Variants in SMOC2 observed in about 807,000 individuals in gnomAD.
SMOC2 encodes SPARC related modular calcium binding 2.
In SMOC2, 39 loss-of-function variants were observed where a neutral mutation model predicts 61.4. That is an observed-to-expected ratio of 0.64 (90% CI 0.49 to 0.83). SMOC2 has a LOEUF of 0.83. Among genes scored for constraint, SMOC2 ranks in the 40% least tolerant of loss-of-function variants. SMOC2 has a pLI of 0.00. For synonymous variants in SMOC2, 247 were observed against 239.9 expected (o/e 1.03, Z -0.27); for missense variants, 556 against 592.9 (o/e 0.94, Z 0.65).
chr6:168,551,744 A>T (rs1445357849), intron 7 of SMOC2, among the ~76,000 whole-genome samples: 1 of 152,190 alleles, frequency 6.6e-6, no homozygotes, highest in African/African-American at 2.4e-5. Context: ...GTGAGCCACC[A>T]TGCCAGGCTA....
At chr6:168,566,115 C>T (rs766826792) in intron 7 of SMOC2, among the ~76,000 whole-genome samples, 2 of 152,114 alleles carry the variant, frequency 1.3e-5, no homozygotes, top group African/African-American at 2.4e-5. Flanking sequence ...ACGTCTTTTA[C>T]GAAGCTATGG....
At chr6:168,514,037 C>T (rs1354716549) in intron 2 of SMOC2, among the ~76,000 whole-genome samples, 1 of 152,202 alleles carries the variant, frequency 6.6e-6, no homozygotes, top group Admixed American at 6.5e-5. Flanking sequence ...GCGGGGTGCA[C>T]AGGGGGCCCT....
intron 9 of SMOC2, among the ~76,000 whole-genome samples, chr6:168,640,864 C>T (rs189943115): frequency 6.6e-6 from 1 of 152,294 alleles, no homozygotes; most frequent in East Asian, 1.9e-4. Flanking sequence ...GACAAAAACG[C>T]TAGCCTGAGC....
intron 4 of SMOC2, among the ~76,000 whole-genome samples, chr6:168,533,600 T>G (rs564386136): frequency 9.9e-5 from 15 of 152,170 alleles, no homozygotes; most frequent in Non-Finnish European, 1.8e-4. Flanking sequence ...CTGAAGCACT[T>G]CCTGGTAGAA....
At chr6:168,604,515 C>T (rs1785637108) in intron 8 of SMOC2, among the ~76,000 whole-genome samples, 1 of 152,112 alleles carries the variant, frequency 6.6e-6, no homozygotes, top group Non-Finnish European at 1.5e-5. Flanking sequence ...TATTTAAATG[C>T]CCTCTGTTCC....
In SMOC2 at chr6:168,598,917, A is replaced by T; in HGVS notation, c.737A>T (p.Tyr246Phe). 2 of 1,613,490 alleles carry T rather than the reference A, an allele frequency of 1.2e-6. No homozygotes were observed. Among genetic ancestry groups the T allele is most frequent in the South Asian group, 2.2e-5 (2 of 91,086 alleles). ...CCTGAGTGTGCGCACGGCGGCCTCTACAAGCCAGTGCAGTGCCACCCCTCC... is the reference window on the plus strand; with the variant it reads ...CCTGAGTGTGCGCACGGCGGCCTCTTCAAGCCAGTGCAGTGCCACCCCTCC... ...VIPECAHGGL[Y>F]KPVQCHPSTG... is the part of the protein sequence containing the mutation. The change falls in exon 8 of 13, where the codon TAC (tyrosine) becomes TTC (phenylalanine). Residue 246 changes from tyrosine (Y) to phenylalanine (F), a missense_variant. Tyr to Phe is a conservative substitution (Grantham distance 22, BLOSUM62 3). Coordinates refer to ENST00000356284, the MANE Select transcript of SMOC2 (RefSeq NM_001166412.2).
chr6:168,618,928 TG>T (rs1404609193), intron 9 of SMOC2, among the ~76,000 whole-genome samples: 4 of 152,204 alleles, frequency 2.6e-5, no homozygotes, highest in Non-Finnish European at 4.4e-5. Context: ...TCTGAAATTA[TG>T]GGCTGCATTT....
At chr6:168,634,617 G>T (rs1177841403) in intron 9 of SMOC2, among the ~76,000 whole-genome samples, 1 of 152,250 alleles carries the variant, frequency 6.6e-6, no homozygotes, top group African/African-American at 2.4e-5. Flanking sequence ...TAAAACTTTT[G>T]CATAGTGCAG....
intron 1 of SMOC2, among the ~76,000 whole-genome samples, chr6:168,447,410 C>T (rs866350042): frequency 1.3e-5 from 2 of 152,110 alleles, no homozygotes; most frequent in African/African-American, 2.4e-5. Context: ...AGATACTGAC[C>T]GTGGATGCTG....
At chr6:168,482,631 T>A (rs1418379989) in intron 1 of SMOC2, among the ~76,000 whole-genome samples, 1 of 152,066 alleles carries the variant, frequency 6.6e-6, no homozygotes, top group Non-Finnish European at 1.5e-5. Flanking sequence ...ATATCCCTTA[T>A]GAACATCGAT....
intron 6 of SMOC2, among the ~76,000 whole-genome samples, chr6:168,548,319 C>T (rs918515186): frequency 6.7e-6 from 1 of 150,200 alleles, no homozygotes; most frequent in African/African-American, 2.5e-5. Context: ...GGTCTGTGCT[C>T]TCAAGCACTA....
chr6:168,665,299 G>A (rs1262823600), intron 12 of SMOC2: 2 of 153,872 alleles, frequency 1.3e-5, no homozygotes, highest in South Asian at 2.0e-4. Context: ...TAGTGCCTGC[G>A]TGGACACGCG....
intron 4 of SMOC2, among the ~76,000 whole-genome samples, chr6:168,530,978 T>A (rs1218855397): frequency 7.2e-5 from 11 of 152,146 alleles, no homozygotes; most frequent in Non-Finnish European, 2.9e-5. Context: ...CAGTGAGCAC[T>A]GATGAAAAGG....
At chr6:168,655,538 C>T in intron 11 of SMOC2, 2 of 404,156 alleles carry the variant, frequency 4.9e-6, no homozygotes, top group Admixed American at 2.7e-5. Context: ...GTGCTAGATA[C>T]TCCTGCATGT....
At chr6:168,649,077 CCAGAGAGAGCCCTCCTCATCT>C (rs1787125047) in intron 9 of SMOC2, among the ~76,000 whole-genome samples, 1 of 152,122 alleles carries the variant, frequency 6.6e-6, no homozygotes, top group Non-Finnish European at 1.5e-5. Flanking sequence ...CCTGAGGAGT[CCAGAGAGAGCCCTCCTCATCT>C]CAGACAATCC....
chr6:168,582,544 C>T (rs1380347978), intron 7 of SMOC2, among the ~76,000 whole-genome samples: 8 of 152,226 alleles, frequency 5.3e-5, no homozygotes, highest in Non-Finnish European at 8.8e-5. Flanking sequence ...GGGGCAGAGC[C>T]GGAGAGAGTA....
At chr6:168,566,708 C>T (rs553710126) in intron 7 of SMOC2, among the ~76,000 whole-genome samples, 54 of 151,950 alleles carry the variant, frequency 3.6e-4, no homozygotes, top group Admixed American at 7.9e-4. Context: ...TTTGTGTTTG[C>T]CAGGATGATC....
chr6:168,474,682 C>T (rs777853340), intron 1 of SMOC2, among the ~76,000 whole-genome samples: 1 of 152,192 alleles, frequency 6.6e-6, no homozygotes, highest in Non-Finnish European at 1.5e-5. Flanking sequence ...GCTGCGCAGG[C>T]TGTGCACTGC....
At chr6:168,515,395 A>G (rs2115058226) in intron 2 of SMOC2, among the ~76,000 whole-genome samples, 1 of 152,324 alleles carries the variant, frequency 6.6e-6, no homozygotes, top group Admixed American at 6.5e-5. Context: ...ACTGGGTGTC[A>G]CGCCCTTCTG....
Sources: allele counts gnomAD v4.1 joint callset (sites outside exome capture counted in the v4.1 genomes callset), GRCh38; gene constraint gnomAD v4.1.1; transcripts MANE v1.5; gene names NCBI Gene and HGNC (gene_info 2026-07-23, HGNC 2026-07-21).